The following MAMDC2 variants were observed in gnomAD, a reference collection of about 807,000 sequenced individuals.
The protein encoded by MAMDC2 is MAM domain-containing protein 2.
MAMDC2 carries 57 observed loss-of-function variants against 89.8 expected under a neutral mutation model. That is an observed-to-expected ratio of 0.63 (90% CI 0.51 to 0.79). The LOEUF is 0.79. Among genes scored for constraint, MAMDC2 ranks in the 30% least tolerant of loss-of-function variants. The pLI is 0.00. For missense variants in MAMDC2, 800 were observed against 820.6 expected, an observed-to-expected ratio of 0.97 and a Z score of 0.31; for synonymous variants, 313 against 293.4, an observed-to-expected ratio of 1.07 and a Z score of -0.68.
chr9:70,140,120 T>C, intron 7 of MAMDC2, 25 bp from the exon 8 acceptor site: 2 of 1,542,820 alleles, frequency 1.3e-6, no homozygotes, highest in Non-Finnish European at 1.7e-6. Flanking sequence ...GGGACTGTCA[T>C]TAACTTTGCT....
chr9:70,102,844 C>T (rs147608515), intron 2 of MAMDC2, among the ~76,000 whole-genome samples: 1 of 152,320 alleles, frequency 6.6e-6, no homozygotes, highest in East Asian at 1.9e-4. Context: ...CTCCTGATGC[C>T]ATTTCTCCAA....
intron 2 of MAMDC2, chr9:70,092,353 T>C (rs536859928): frequency 3.9e-5 from 6 of 152,342 alleles, no homozygotes; most frequent in African/African-American, 1.2e-4. Context: ...AGAGAGCATG[T>C]TGGCTCTTGA....
chr9:70,178,506 G>A (rs1332577168), intron 11 of MAMDC2, among the ~76,000 whole-genome samples: 1 of 152,080 alleles, frequency 6.6e-6, no homozygotes, highest in African/African-American at 2.4e-5. Context: ...AGTTTTGGGG[G>A]ATACATCCAA....
chr9:70,071,352 T>C (rs1470005753), intron 2 of MAMDC2, among the ~76,000 whole-genome samples: 1 of 152,018 alleles, frequency 6.6e-6, no homozygotes, highest in Non-Finnish European at 1.5e-5. Flanking sequence ...ATTTACTCTA[T>C]TTTTTTTCCA....
At chr9:70,103,448 A>G (rs1487942652) in intron 2 of MAMDC2, among the ~76,000 whole-genome samples, 2 of 152,162 alleles carry the variant, frequency 1.3e-5, no homozygotes, top group Non-Finnish European at 2.9e-5. Flanking sequence ...TCTATCCTCA[A>G]CTGATTTCAA....
At position 70,109,768 on chromosome 9, in the gene MAMDC2, C is replaced by A. The variant is rs1828453619; in HGVS notation, c.469C>A (p.Leu157Ile). 6.2e-7 allele frequency: 1 copy of A among 1,613,884 alleles called. No homozygotes were observed. The highest frequency in any genetic ancestry group is 1.3e-5 in the African/African-American group (1 of 74,906). ...ACAGGGAAACACAGCCAGCATCGCA[C>A]TATTTGAAATCAAGATGACAACCGG... ...LGQGNTASIALFEIKMTTGYC... is the reference protein window; with the variant it reads ...LGQGNTASIAIFEIKMTTGYC... The change falls in exon 4 of 14, where the codon CTA (leucine) becomes ATA (isoleucine). Residue 157 changes from leucine (L) to isoleucine (I), a missense_variant. By Grantham distance (5) the Leu-to-Ile change is conservative (BLOSUM62 2). Coordinates refer to ENST00000377182, the MANE Select transcript of MAMDC2 (RefSeq NM_153267.5).
chr9:70,204,754 C>A (rs931603177), intron 11 of MAMDC2, among the ~76,000 whole-genome samples: 6 of 152,086 alleles, frequency 3.9e-5, no homozygotes, highest in African/African-American at 1.2e-4. Context: ...GATATAGTCT[C>A]GTGGTGCGCC....
At chr9:70,063,252 C>T (rs1327257586) in intron 2 of MAMDC2, 2 of 151,646 alleles carry the variant, frequency 1.3e-5, no homozygotes, top group Non-Finnish European at 2.9e-5. Context: ...GACTCTGTCT[C>T]AAAAGAAAAA....
At chr9:70,161,145 T>TC (rs2031955436) in intron 9 of MAMDC2, among the ~76,000 whole-genome samples, 1 of 152,092 alleles carries the variant, frequency 6.6e-6, no homozygotes, top group African/African-American at 2.4e-5. Context: ...GAACCTCCCC[T>TC]CCCCTTACAG....
intron 2 of MAMDC2, among the ~76,000 whole-genome samples, chr9:70,068,760 G>A (rs1373617412): frequency 6.7e-6 from 1 of 148,726 alleles, no homozygotes; most frequent in African/African-American, 2.5e-5. Context: ...TAGGGAACAG[G>A]AAACAAACAT....
intron 3 of MAMDC2, 79 bp downstream of exon 3, chr9:70,108,561 A>G (rs1828409682): frequency 7.7e-7 from 1 of 1,305,836 alleles, no homozygotes; most frequent in Non-Finnish European, 1.0e-6. Context: ...AAAACTTCTG[A>G]CATGGAGGTT....
intron 2 of MAMDC2, among the ~76,000 whole-genome samples, chr9:70,100,037 G>A (rs1371275646): frequency 7.2e-6 from 1 of 138,392 alleles, no homozygotes; most frequent in African/African-American, 2.5e-5. Flanking sequence ...CAAGCACAAT[G>A]GGCAGCAGGT....
chr9:70,068,795 T>C (rs896553365), intron 2 of MAMDC2, among the ~76,000 whole-genome samples: 5 of 150,336 alleles, frequency 3.3e-5, no homozygotes, highest in African/African-American at 1.2e-4. Flanking sequence ...AAATGTGATA[T>C]GTGCAACAGG....
intron 11 of MAMDC2, among the ~76,000 whole-genome samples, chr9:70,202,169 C>T (rs2033113249): frequency 6.6e-6 from 1 of 151,060 alleles, no homozygotes; most frequent in African/African-American, 2.4e-5. Context: ...TGGATCTTTC[C>T]TGCTTTCTCT....
Position 70,145,968 on chromosome 9 carries a change from T to TA in MAMDC2, c.1404+2155dup, listed in dbSNP as rs1274592874. Among the ~76,000 whole-genome samples, 11 of 152,248 alleles carry TA rather than the reference T, an allele frequency of 7.2e-5. No individual in the cohort carries two copies. The South Asian group carries it at 2.3e-3, about 32-fold the overall frequency. ...AGAGGAGTAGTTTTACCAGTTGCTG[T>TA]AAAAAATAATGACAAATAGAGACCC... On this transcript the variant is annotated intron_variant, in intron 9 of 13. Transcript: ENST00000377182.
chr9:70,160,878 A>G (rs1424471259), intron 9 of MAMDC2, among the ~76,000 whole-genome samples: 1 of 152,198 alleles, frequency 6.6e-6, no homozygotes, highest in Non-Finnish European at 1.5e-5. Flanking sequence ...TGTTGTAAAC[A>G]CAAGTCAAAG....
At chr9:70,101,122 T>C (rs1323734071) in intron 2 of MAMDC2, among the ~76,000 whole-genome samples, 1 of 152,170 alleles carries the variant, frequency 6.6e-6, no homozygotes, top group Non-Finnish European at 1.5e-5. Context: ...ATGTGAATGT[T>C]TGTGTCTTTG....
At chr9:70,177,851 A>G (rs943193154) in intron 11 of MAMDC2, among the ~76,000 whole-genome samples, 1 of 152,222 alleles carries the variant, frequency 6.6e-6, no homozygotes, top group African/African-American at 2.4e-5. Context: ...TGAAAAGCAC[A>G]GTTTTTCATA....
chr9:70,140,076 TG>T, intron 7 of MAMDC2, 68 bp from the exon 8 acceptor site: 1 of 1,443,872 alleles, frequency 6.9e-7, no homozygotes, highest in Non-Finnish European at 9.1e-7. Context: ...TATAAATATC[TG>T]TCAACCAGTT....
Sources: allele counts gnomAD v4.1 joint callset (sites outside exome capture counted in the v4.1 genomes callset), GRCh38; gene constraint gnomAD v4.1.1; transcripts MANE v1.5; gene names NCBI Gene and HGNC (gene_info 2026-07-23, HGNC 2026-07-21).